Variants in FHIT observed in about 807,000 individuals in gnomAD.
FHIT encodes fragile histidine triad diadenosine triphosphatase.
A neutral mutation model predicts 17.9 loss-of-function variants in FHIT; 19 were observed. The observed-to-expected ratio is 1.06, with a 90% CI of 0.74 to 1.56. The LOEUF (loss-of-function observed/expected upper bound fraction) is 1.56, where lower values mean the gene tolerates loss of function less well. Among genes scored for constraint, FHIT ranks in the 40% most tolerant of loss-of-function variants. The pLI, the probability that FHIT is intolerant of heterozygous loss-of-function variation, is 0.00. For synonymous variants in FHIT, 81 were observed against 69.7 expected (o/e 1.16, Z -0.81); for missense variants, 248 against 189.2 (o/e 1.31, Z -1.82).
At chr3:60,918,315 C>T (rs1219884763) in intron 3 of FHIT, among the ~76,000 whole-genome samples, 2 of 152,186 alleles carry the variant, frequency 1.3e-5, no homozygotes, top group African/African-American at 2.4e-5. Context: ...ACAGCATCTA[C>T]CTGACTTTGG....
chr3:60,276,344 G>A (rs917484082), intron 5 of FHIT, among the ~76,000 whole-genome samples: 4 of 152,178 alleles, frequency 2.6e-5, no homozygotes, highest in Non-Finnish European at 5.9e-5. Context: ...AAGTCCAGCA[G>A]ATGAAGTCTA....
chr3:60,816,735 G>A (rs1575560355), intron 4 of FHIT, among the ~76,000 whole-genome samples: 1 of 151,940 alleles, frequency 6.6e-6, no homozygotes, highest in African/African-American at 2.4e-5. Flanking sequence ...TGCTATCAGG[G>A]TGATGCACAG....
rs1434290269 is a variant in FHIT, at chr3:60,184,857, G to A, written c.104-170705C>T. On this transcript the variant is annotated intron_variant, in intron 5 of 9. Coordinates refer to ENST00000492590, the MANE Select transcript of FHIT (RefSeq NM_002012.4). ...TTATTCAAATCTTTTTTTATATTTTGGGTTATAATTCAATAGTGTTTATTC... is the reference window on the plus strand; with the variant it reads ...TTATTCAAATCTTTTTTTATATTTTAGGTTATAATTCAATAGTGTTTATTC... 3.3e-5 allele frequency among the ~76,000 whole-genome samples: 5 copies of A among 151,834 alleles called. No homozygotes were observed. The East Asian group carries it at 9.7e-4, about 29-fold the overall frequency.
At chr3:60,468,989 A>G (rs1018768425) in intron 5 of FHIT, among the ~76,000 whole-genome samples, 1 of 152,120 alleles carries the variant, frequency 6.6e-6, no homozygotes, top group Non-Finnish European at 1.5e-5. Context: ...TAAATATGTA[A>G]TATCACTCTC....
chr3:60,116,865 G>A (rs1299164396), intron 5 of FHIT, among the ~76,000 whole-genome samples: 1 of 146,850 alleles, frequency 6.8e-6, no homozygotes, highest in African/African-American at 2.5e-5. Context: ...AAAATTAAGG[G>A]GAGTAACAAA....
chr3:60,645,089 AG>A (rs2039822543), intron 4 of FHIT, among the ~76,000 whole-genome samples: 1 of 152,000 alleles, frequency 6.6e-6, no homozygotes, highest in East Asian at 1.9e-4. Context: ...CCCAAGCCCC[AG>A]GTCATCTAGG....
intron 5 of FHIT, among the ~76,000 whole-genome samples, chr3:60,069,370 T>G (rs538136293): frequency 4.6e-5 from 7 of 152,312 alleles, no homozygotes; most frequent in Admixed American, 4.6e-4. Flanking sequence ...TCCCAACCTG[T>G]TACAATTCAT....
intron 5 of FHIT, among the ~76,000 whole-genome samples, chr3:60,340,039 T>C (rs1224577871): frequency 6.6e-6 from 1 of 152,138 alleles, no homozygotes; most frequent in Non-Finnish European, 1.5e-5. Flanking sequence ...CTGGCACAGG[T>C]TCTTCTGCCT....
chr3:60,105,885 T>G (rs748837385), intron 5 of FHIT, among the ~76,000 whole-genome samples: 3 of 152,220 alleles, frequency 2.0e-5, no homozygotes, highest in African/African-American at 7.2e-5. Context: ...GAGAAAAGAA[T>G]TCTACAGTAG....
chr3:61,173,167 T>C (rs141084492), intron 2 of FHIT, among the ~76,000 whole-genome samples: 2,783 of 152,324 alleles, frequency 0.018, 38 homozygotes, highest in Admixed American at 0.035. Context: ...AAAATACATG[T>C]GCAGCTAGAT....
intron 4 of FHIT, among the ~76,000 whole-genome samples, chr3:60,642,600 G>T (rs1189674711): frequency 6.6e-6 from 1 of 152,176 alleles, no homozygotes; most frequent in East Asian, 1.9e-4. Context: ...CAAAAAAGGG[G>T]AGAAATGTGG....
intron 3 of FHIT, among the ~76,000 whole-genome samples, chr3:60,869,645 C>T (rs1405178079): frequency 2.4e-4 from 36 of 152,012 alleles, no homozygotes; most frequent in Non-Finnish European, 4.9e-4. Context: ...CATGTAGTAG[C>T]CAAATATGTT....
At chr3:60,864,115 G>T (rs1694304310) in intron 3 of FHIT, among the ~76,000 whole-genome samples, 2 of 152,118 alleles carry the variant, frequency 1.3e-5, no homozygotes, top group Admixed American at 1.3e-4. Context: ...AAAACCATCA[G>T]ATCTCATGAG....
intron 4 of FHIT, among the ~76,000 whole-genome samples, chr3:60,686,004 C>A (rs957365306): frequency 7.2e-5 from 11 of 152,050 alleles, no homozygotes; most frequent in African/African-American, 2.2e-4. Flanking sequence ...GTAAGTTGGT[C>A]TGCTGGCAAT....
chr3:59,992,779 C>T (rs1239015643), intron 7 of FHIT, among the ~76,000 whole-genome samples: 1 of 151,998 alleles, frequency 6.6e-6, no homozygotes, highest in Non-Finnish European at 1.5e-5. Flanking sequence ...AGCTTAGTCA[C>T]AGAACAGAGA....
chr3:59,786,306 G>C (rs750973992), intron 8 of FHIT, among the ~76,000 whole-genome samples: 4 of 152,104 alleles, frequency 2.6e-5, no homozygotes, highest in Non-Finnish European at 5.9e-5. Context: ...ACCCCCACTG[G>C]CTAATGCAAA....
At chr3:61,235,427 T>TA (rs879536226) in intron 1 of FHIT, among the ~76,000 whole-genome samples, 36 of 148,012 alleles carry the variant, frequency 2.4e-4, no homozygotes, top group East Asian at 1.6e-3. Context: ...TAATCTAATT[T>TA]AAAAAAAAAA....
intron 8 of FHIT, among the ~76,000 whole-genome samples, chr3:59,872,242 C>T (rs1403934645): frequency 2.6e-5 from 4 of 152,190 alleles, no homozygotes; most frequent in Admixed American, 6.5e-5. Flanking sequence ...AGTACTAAAA[C>T]ATCACCTCAT....
chr3:60,186,453 C>T (rs1308578281), intron 5 of FHIT, among the ~76,000 whole-genome samples: 2 of 152,106 alleles, frequency 1.3e-5, no homozygotes, highest in Non-Finnish European at 2.9e-5. Context: ...AACTGTTTTT[C>T]AAAAAGGCTC....
Sources: gnomAD v4.1 joint callset for allele counts (sites outside exome capture counted in the v4.1 genomes callset) on GRCh38, gnomAD v4.1.1 for gene constraint, MANE v1.5 for transcripts, NCBI Gene and HGNC (gene_info 2026-07-23, HGNC 2026-07-21) for gene names.